PPFIA2: variants seen among roughly 807,000 people sequenced by gnomAD.
PPFIA2 encodes PPFI scaffold protein A2.
A neutral mutation model predicts 175.5 loss-of-function variants in PPFIA2; 46 were observed. The ratio of observed to expected loss-of-function variants is 0.26; its 90% CI spans 0.21 to 0.34. The LOEUF is 0.34. PPFIA2 is among the 10% of genes least tolerant of loss of function. The pLI, the probability that PPFIA2 is intolerant of heterozygous loss-of-function variation, is 1.00. For synonymous variants in PPFIA2, 568 were observed against 511.4 expected (o/e 1.11, Z -1.49); for missense variants, 1,179 against 1,506.1 (o/e 0.78, Z 3.60).
chr12:81,267,679 G>T (rs909761236), intron 29 of PPFIA2, among the ~76,000 whole-genome samples: 1 of 151,776 alleles, frequency 6.6e-6, no homozygotes, highest in Non-Finnish European at 1.5e-5. Flanking sequence ...CATTCAGGTG[G>T]GAGACTGGGC....
rs148500542 is a variant in PPFIA2 at position 81,421,658 on chromosome 12, A to C, written c.646-15755T>G. Among the ~76,000 whole-genome samples the C allele has an allele frequency of 4.1e-3, 617 of 152,202 alleles. 10 individuals carry two copies. The highest frequency in any genetic ancestry group is 0.014 in the African/African-American group (579 of 41,564). On this transcript the variant is annotated intron_variant, in intron 7 of 32. Coordinates refer to ENST00000549396, the MANE Select transcript of PPFIA2 (RefSeq NM_003625.5). Reference sequence around the variant, plus strand: ...ATGGCAAAATGTATAGAAAGCAATTAACAAAAAGAAATTAGTAATTCCTCA... The same window carrying C: ...ATGGCAAAATGTATAGAAAGCAATTCACAAAAAGAAATTAGTAATTCCTCA...
intron 2 of PPFIA2, among the ~76,000 whole-genome samples, chr12:81,758,015 G>A (rs922014400): frequency 6.6e-6 from 1 of 152,092 alleles, no homozygotes; most frequent in Non-Finnish European, 1.5e-5. Flanking sequence ...CTCTTTGAAA[G>A]CCTCTGTCCT....
chr12:81,666,553 T>C (rs1252837945), intron 4 of PPFIA2, among the ~76,000 whole-genome samples: 2 of 151,982 alleles, frequency 1.3e-5, no homozygotes, highest in Non-Finnish European at 2.9e-5. Flanking sequence ...TAGGTGGGAA[T>C]TGAATAATGA....
At chr12:81,700,408 C>T (rs73149327) in intron 3 of PPFIA2, among the ~76,000 whole-genome samples, 17,299 of 152,048 alleles carry the variant, frequency 0.11, 1,207 homozygotes, top group Non-Finnish European at 0.15. Flanking sequence ...CATTCTCATG[C>T]TTTATAAAGA....
Position 81,267,377 on chromosome 12 carries a change from G to T in PPFIA2, c.3487-357C>A, listed in dbSNP as rs142794689. On this transcript the variant is annotated intron_variant, in intron 29 of 32. Transcript: ENST00000549396. ...GCCAAATTTTTATTGAATCTATGTA[G>T]GTAGTTCTCAAACCTGGCCAATGAT... is the stretch of plus-strand genomic sequence containing the variant. 28 of 353,850 alleles carry T rather than the reference G, an allele frequency of 7.9e-5. 1 individual carries two copies. The highest frequency in any genetic ancestry group is 7.6e-4 in the Admixed American group (18 of 23,566). The allele number at this position is 353,850 out of a possible 1,614,324, so 21.9% of individuals were successfully genotyped here. A position where few individuals can be genotyped will look rare whatever the true frequency, so the allele number is the denominator to read the frequency against.
chr12:81,741,569 T>C (rs1922565), intron 3 of PPFIA2, among the ~76,000 whole-genome samples: 29,657 of 151,994 alleles, frequency 0.2, 3,298 homozygotes, highest in Middle Eastern at 0.3. Flanking sequence ...TGGCTCAGGA[T>C]GGCTTTGAAG....
At chr12:81,693,734 G>A (rs115745312) in intron 3 of PPFIA2, among the ~76,000 whole-genome samples, 2 of 152,104 alleles carry the variant, frequency 1.3e-5, no homozygotes, top group African/African-American at 4.8e-5. Flanking sequence ...ATAAGGGAAA[G>A]TTTGGAACTT....
chr12:81,666,806 G>T lies in PPFIA2; in HGVS notation c.303+9985C>A, dbSNP rs183282792. On this transcript the variant is annotated intron_variant, in intron 4 of 32. Coordinates refer to ENST00000549396, the MANE Select transcript of PPFIA2 (RefSeq NM_003625.5). ...AAGAAATAGAGGCACAAAGAAGAAA[G>T]TAAATTTGCTCAAGGTTACAAACAG... is the stretch of plus-strand genomic sequence containing the variant. Among the ~76,000 whole-genome samples the T allele has an allele frequency of 1.7e-3, 261 of 152,018 alleles. 1 individual carries two copies. Among genetic ancestry groups the T allele is most frequent in the African/African-American group, 6.1e-3 (254 of 41,510 alleles).
chr12:81,326,812 A>C (rs895641629), intron 21 of PPFIA2, among the ~76,000 whole-genome samples: 2 of 152,056 alleles, frequency 1.3e-5, no homozygotes, highest in African/African-American at 2.4e-5. Flanking sequence ...TTTTTAATAA[A>C]AGAAAATTAA....
intron 3 of PPFIA2, among the ~76,000 whole-genome samples, chr12:81,713,007 G>A (rs146693287): frequency 2.7e-4 from 41 of 151,076 alleles, no homozygotes; most frequent in African/African-American, 8.9e-4. Flanking sequence ...AAAATGTCAC[G>A]ATTAACTTTT....
intron 3 of PPFIA2, among the ~76,000 whole-genome samples, chr12:81,717,373 G>A (rs1277679477): frequency 6.6e-6 from 1 of 151,630 alleles, no homozygotes; most frequent in Non-Finnish European, 1.5e-5. Context: ...ATCATAGTTT[G>A]CTAGCTTCAG....
chr12:81,649,460 T>C (rs2066674034), intron 4 of PPFIA2, among the ~76,000 whole-genome samples: 1 of 152,208 alleles, frequency 6.6e-6, no homozygotes, highest in Non-Finnish European at 1.5e-5. Flanking sequence ...CATACATTAT[T>C]GTTGATGATG....
At chr12:81,605,525 C>T (rs1254186254) in intron 4 of PPFIA2, among the ~76,000 whole-genome samples, 1 of 151,730 alleles carries the variant, frequency 6.6e-6, no homozygotes, top group Non-Finnish European at 1.5e-5. Context: ...AAAATTCATG[C>T]CATATGGAAT....
chr12:81,758,530 A>T, intron 1 of PPFIA2, 23 bp from the exon 2 acceptor site: 1 of 433,994 alleles, frequency 2.3e-6, no homozygotes, highest in South Asian at 1.6e-5. Flanking sequence ...GGAGAAAGGC[A>T]GCTCAGACAC....
chr12:81,659,973 T>C (rs2068517158), intron 4 of PPFIA2, among the ~76,000 whole-genome samples: 1 of 152,120 alleles, frequency 6.6e-6, no homozygotes, highest in African/African-American at 2.4e-5. Flanking sequence ...CCAACAGACC[T>C]GCAGCTGAGG....
intron 8 of PPFIA2, among the ~76,000 whole-genome samples, chr12:81,397,152 C>CTAGA (rs1469393930): frequency 6.6e-6 from 1 of 151,836 alleles, no homozygotes; most frequent in African/African-American, 2.4e-5. Context: ...AGGGTCTGAA[C>CTAGA]TAGAGGTAAA....
chr12:81,414,980 C>T (rs543023423), intron 7 of PPFIA2, among the ~76,000 whole-genome samples: 10 of 149,894 alleles, frequency 6.7e-5, no homozygotes, highest in South Asian at 2.1e-4. Flanking sequence ...CACTGAAGCA[C>T]GTTAAAACCA....
intron 4 of PPFIA2, chr12:81,675,434 C>A (rs952781256): frequency 2.0e-5 from 3 of 151,894 alleles, no homozygotes; most frequent in African/African-American, 7.2e-5. Context: ...GAGGGTATGA[C>A]AAACTAACTT....
chr12:81,630,791 T>G (rs2063284570), intron 4 of PPFIA2, among the ~76,000 whole-genome samples: 1 of 151,568 alleles, frequency 6.6e-6, no homozygotes, highest in African/African-American at 2.4e-5. Context: ...AAAAATAAAT[T>G]TTTTCTATAT....
Sources: allele counts gnomAD v4.1 joint callset (sites outside exome capture counted in the v4.1 genomes callset), GRCh38; gene constraint gnomAD v4.1.1; transcripts MANE v1.5; gene names NCBI Gene and HGNC (gene_info 2026-07-23, HGNC 2026-07-21).